MAPK10: variants seen among roughly 807,000 people sequenced by gnomAD.
MAPK10 encodes mitogen-activated protein kinase 10.
In MAPK10, 25 loss-of-function variants were observed where a neutral mutation model predicts 59.3. That is an observed-to-expected ratio of 0.42 (90% CI 0.31 to 0.59). MAPK10 has a LOEUF of 0.59. Ranked by LOEUF, MAPK10 falls within the 20% of genes least tolerant of loss-of-function variation. MAPK10 has a pLI of 0.15. For missense variants in MAPK10, 351 were observed against 568.9 expected, an observed-to-expected ratio of 0.62 and a Z score of 3.90; for synonymous variants, 190 against 200.5, an observed-to-expected ratio of 0.95 and a Z score of 0.44.
chr4:86,359,288 C>CTCTCTCTCTCTCTCTGTGTG (rs796310826), intron 1 of MAPK10, among the ~76,000 whole-genome samples: 25 of 94,630 alleles, frequency 2.6e-4, no homozygotes, highest in Non-Finnish European at 3.6e-4. Context: ...CTCTCTCTCT[C>CTCTCTCTCTCTCTCTGTGTG]TGTGTGTGTG....
At chr4:86,049,745 T>G (rs1191059675) in intron 11 of MAPK10, among the ~76,000 whole-genome samples, 1 of 152,172 alleles carries the variant, frequency 6.6e-6, no homozygotes, top group Non-Finnish European at 1.5e-5. Context: ...AATGTCATTC[T>G]TTCTTCATCT....
intron 4 of MAPK10, among the ~76,000 whole-genome samples, chr4:86,141,518 C>T (rs1056727883): frequency 6.6e-6 from 1 of 152,130 alleles, no homozygotes; most frequent in Non-Finnish European, 1.5e-5. Context: ...CAAAGACTAT[C>T]AGTTATAGAA....
At chr4:86,560,203 G>A (rs1350541009) in intron 1 of MAPK10, among the ~76,000 whole-genome samples, 8 of 152,144 alleles carry the variant, frequency 5.3e-5, no homozygotes, top group African/African-American at 9.6e-5. Context: ...GCACTTTAAC[G>A]AAAATGACAA....
chr4:86,035,416 C>T (rs911768602), intron 11 of MAPK10, among the ~76,000 whole-genome samples: 8 of 129,494 alleles, frequency 6.2e-5, no homozygotes, highest in Admixed American at 1.6e-4. Flanking sequence ...TATCATGATA[C>T]GGAAGAAAGA....
rs551089748 is a variant in MAPK10 at position 86,253,413 on chromosome 4, C to G, written c.-6-59006G>C. ...TGTTGAATTTTGTCAAAGGCTTTTT[C>G]TGCATCTACTGACATAATCATGTGG... On this transcript the variant is annotated intron_variant, in intron 2 of 13. Transcript: ENST00000641462. Among the ~76,000 whole-genome samples the G allele has an allele frequency of 2.9e-4, 35 of 120,230 alleles. 12 individuals are homozygous for G. The highest frequency in any genetic ancestry group is 1.6e-3 in the African/African-American group (33 of 20,446). The allele number at this position is 120,230 out of a possible 152,430, so 78.9% of individuals were successfully genotyped here.
At chr4:86,164,310 A>G (rs1437406126) in intron 3 of MAPK10, 2 of 152,182 alleles carry the variant, frequency 1.3e-5, no homozygotes, top group Non-Finnish European at 1.5e-5. Context: ...ACAAATGTCA[A>G]ATAAAGCAAG....
chr4:86,354,493 T>G, intron 2 of MAPK10, 37 bp downstream of exon 2: 2 of 966,926 alleles, frequency 2.1e-6, no homozygotes, highest in Non-Finnish European at 2.7e-6. Context: ...AGATCCTAGT[T>G]TTCATGCTAA....
intron 1 of MAPK10, among the ~76,000 whole-genome samples, chr4:86,367,290 CTT>C (rs1738051731): frequency 1.3e-5 from 2 of 152,130 alleles, no homozygotes; most frequent in Admixed American, 6.5e-5. Flanking sequence ...CACATTTACT[CTT>C]TGAGTACCAT....
intron 13 of MAPK10, chr4:86,028,923 C>A: frequency 2.2e-6 from 1 of 450,370 alleles, no homozygotes; most frequent in Non-Finnish European, 4.1e-6. Flanking sequence ...CACATTTACC[C>A]TTTAGCCCAT....
chr4:86,297,470 G>C (rs954540587), intron 2 of MAPK10, among the ~76,000 whole-genome samples: 1 of 151,990 alleles, frequency 6.6e-6, no homozygotes, highest in Non-Finnish European at 1.5e-5. Context: ...CCACCACCAA[G>C]GTCGGCTACT....
rs562664200 is a variant in MAPK10, at chr4:86,086,475, T to C, written c.802+12049A>G. On this transcript the variant is annotated intron_variant, in intron 9 of 13. Coordinates refer to ENST00000641462, the MANE Select transcript of MAPK10 (RefSeq NM_138982.4). Reference sequence around the variant, plus strand: ...TATTCCATCTTCCATGATGTGATTATTATGCATTGCATGCCTGTATCAAAA... The same window carrying C: ...TATTCCATCTTCCATGATGTGATTACTATGCATTGCATGCCTGTATCAAAA... Among the ~76,000 whole-genome samples the C allele has an allele frequency of 1.9e-3, 283 of 152,316 alleles. 1 individual carries two copies. Among genetic ancestry groups the C allele is most frequent in the African/African-American group, 6.6e-3 (274 of 41,574 alleles).
rs1366706389 is a variant in MAPK10 at position 86,111,908 on chromosome 4, G to T, written c.237-4556C>A. On this transcript the variant is annotated intron_variant, in intron 4 of 13. Coordinates refer to ENST00000641462, the MANE Select transcript of MAPK10 (RefSeq NM_138982.4). ...CTGCTCAATTTCAGAACTCGTTATT[G>T]GTCTATTCAGGGATTCAGCTTCTTC... is the stretch of plus-strand genomic sequence containing the variant. Among the ~76,000 whole-genome samples, 4 of 151,974 alleles carry T rather than the reference G, an allele frequency of 2.6e-5. No homozygotes were observed. The East Asian group carries it at 7.7e-4, about 29-fold the overall frequency.
chr4:86,062,102 G>C lies in MAPK10; in HGVS notation c.1110+2164C>G, dbSNP rs962440630. ...TGTGACCACTGTAATGCACTTCATA[G>C]AGTAATAAATTGTTCTTGCCCTGGG... On this transcript the variant is annotated intron_variant, in intron 11 of 13. Transcript: ENST00000641462. Among the ~76,000 whole-genome samples, 13 of 152,198 alleles carry C rather than the reference G, an allele frequency of 8.5e-5. 1 individual carries two copies. The highest frequency in any genetic ancestry group is 2.9e-4 in the African/African-American group (12 of 41,548).
chr4:86,562,622 G>C (rs1760761572), intron 1 of MAPK10, among the ~76,000 whole-genome samples: 1 of 151,818 alleles, frequency 6.6e-6, no homozygotes, highest in Admixed American at 6.6e-5. Context: ...TTGAGTCTGG[G>C]AAGTCGAGGC....
intron 1 of MAPK10, among the ~76,000 whole-genome samples, chr4:86,436,258 A>C (rs1034610328): frequency 6.6e-6 from 1 of 152,226 alleles, no homozygotes; most frequent in Non-Finnish European, 1.5e-5. Context: ...ACAAAGTCTG[A>C]GCACTAAAAT....
chr4:86,519,014 G>T (rs966689226), intron 1 of MAPK10, among the ~76,000 whole-genome samples: 4 of 152,050 alleles, frequency 2.6e-5, no homozygotes, highest in Admixed American at 6.6e-5. Context: ...AATTTACTGA[G>T]ACTTGTTTTG....
At chr4:86,181,947 A>G (rs1315117981) in intron 3 of MAPK10, among the ~76,000 whole-genome samples, 1 of 152,162 alleles carries the variant, frequency 6.6e-6, no homozygotes, top group African/African-American at 2.4e-5. Flanking sequence ...TGAGTTTTTT[A>G]AATTCATAGA....
At chr4:86,544,068 G>A (rs1758948416) in intron 1 of MAPK10, among the ~76,000 whole-genome samples, 1 of 152,174 alleles carries the variant, frequency 6.6e-6, no homozygotes, top group African/African-American at 2.4e-5. Flanking sequence ...CTCATGTGGA[G>A]GGAGAGAATG....
At chr4:86,478,142 CTT>C (rs2149069367) in intron 1 of MAPK10, among the ~76,000 whole-genome samples, 1 of 152,332 alleles carries the variant, frequency 6.6e-6, no homozygotes, top group South Asian at 2.1e-4. Flanking sequence ...ATACTTTCGA[CTT>C]TGGATACCTG....
Sources: gnomAD v4.1 joint callset for allele counts (sites outside exome capture counted in the v4.1 genomes callset) on GRCh38, gnomAD v4.1.1 for gene constraint, MANE v1.5 for transcripts, NCBI Gene and HGNC (gene_info 2026-07-23, HGNC 2026-07-21) for gene names.